The following DGKI variants were observed in gnomAD, a reference collection of about 807,000 sequenced individuals.
DGKI encodes the protein diacylglycerol kinase iota, also known as DAG kinase iota.
In DGKI, 55 loss-of-function variants were observed where a neutral mutation model predicts 147.5. That is an observed-to-expected ratio of 0.37 (90% CI 0.30 to 0.47). The LOEUF (loss-of-function observed/expected upper bound fraction) is 0.47, where lower values mean the gene tolerates loss of function less well. Among genes scored for constraint, DGKI ranks in the 20% least tolerant of loss-of-function variants. The pLI is 1.00. For synonymous variants in DGKI, 469 were observed against 477.1 expected (o/e 0.98, Z 0.22); for missense variants, 1,007 against 1,323.8 (o/e 0.76, Z 3.71).
chr7:137,559,039 G>A (rs1268978574), intron 19 of DGKI, among the ~76,000 whole-genome samples: 1 of 139,270 alleles, frequency 7.2e-6, no homozygotes, highest in African/African-American at 2.7e-5. Flanking sequence ...AGCGTTTTAT[G>A]ATTCTAGGTT....
chr7:137,444,345 C>T (rs1813629126), intron 27 of DGKI, among the ~76,000 whole-genome samples: 1 of 152,048 alleles, frequency 6.6e-6, no homozygotes, highest in South Asian at 2.1e-4. Flanking sequence ...AGGACTGCAA[C>T]AAACTTAGCT....
intron 17 of DGKI, 112 bp from the exon 18 acceptor site, chr7:137,572,950 A>G: frequency 1.4e-6 from 1 of 705,484 alleles, no homozygotes; most frequent in East Asian, 2.6e-5. Context: ...TCCTTGCCCT[A>G]TCTCTGCTTA....
chr7:137,412,021 G>T (rs1812181360), intron 29 of DGKI, 149 bp downstream of exon 29: 9 of 752,906 alleles, frequency 1.2e-5, no homozygotes, highest in South Asian at 1.1e-4. Flanking sequence ...TCTCTGCTCA[G>T]TTCTCAAAAG....
chr7:137,395,797 C>T, intron 31 of DGKI, 100 bp from the exon 32 acceptor site: 1 of 1,003,344 alleles, frequency 1.0e-6, no homozygotes, highest in South Asian at 1.5e-5. Context: ...GCCTCCTTCC[C>T]TGTAGGCTGC....
intron 2 of DGKI, among the ~76,000 whole-genome samples, chr7:137,683,518 G>A (rs1823311325): frequency 6.6e-6 from 1 of 152,088 alleles, no homozygotes; most frequent in African/African-American, 2.4e-5. Flanking sequence ...TGCATTACAG[G>A]CATATGCCAA....
chr7:137,652,696 G>GT (rs11460162), intron 5 of DGKI, among the ~76,000 whole-genome samples: 28,560 of 152,064 alleles, frequency 0.19, 8,185 homozygotes, highest in African/African-American at 0.62. Context: ...GGACAACTAT[G>GT]TTTTCTCTTT....
At chr7:137,604,918 G>A (rs545840692) in intron 10 of DGKI, among the ~76,000 whole-genome samples, 3 of 152,244 alleles carry the variant, frequency 2.0e-5, no homozygotes, top group East Asian at 3.9e-4. Flanking sequence ...GGGAGGGGAC[G>A]TATTTCTCTA....
At chr7:137,800,217 A>G (rs1457404788) in intron 1 of DGKI, among the ~76,000 whole-genome samples, 4 of 152,178 alleles carry the variant, frequency 2.6e-5, no homozygotes, top group Non-Finnish European at 5.9e-5. Context: ...GGAGTGATAT[A>G]CCAGCCAAAT....
At chr7:137,661,866 T>A (rs897352777) in intron 3 of DGKI, among the ~76,000 whole-genome samples, 3 of 152,200 alleles carry the variant, frequency 2.0e-5, no homozygotes, top group African/African-American at 7.2e-5. Flanking sequence ...GGAACCTTCC[T>A]AAGCTCTTAG....
intron 6 of DGKI, among the ~76,000 whole-genome samples, chr7:137,625,391 C>G (rs891657606): frequency 6.6e-6 from 1 of 151,938 alleles, no homozygotes; most frequent in African/African-American, 2.4e-5. Flanking sequence ...ATCCAAGAGT[C>G]GGAAGTGGCA....
intron 27 of DGKI, among the ~76,000 whole-genome samples, chr7:137,461,760 T>A (rs1256179601): frequency 6.6e-5 from 10 of 152,124 alleles, no homozygotes; most frequent in East Asian, 3.9e-4. Context: ...CAGGTTTTTT[T>A]AAAAAGTGTC....
intron 1 of DGKI, among the ~76,000 whole-genome samples, chr7:137,725,046 G>A (rs1273331238): frequency 6.6e-6 from 1 of 152,130 alleles, no homozygotes; most frequent in Non-Finnish European, 1.5e-5. Context: ...TTATACAGAG[G>A]TGAGAAGGGG....
chr7:137,397,712 T>C (rs192725523), intron 30 of DGKI, among the ~76,000 whole-genome samples: 2 of 152,270 alleles, frequency 1.3e-5, no homozygotes, highest in Admixed American at 6.5e-5. Flanking sequence ...AATAATTAAG[T>C]GGCTAACAAG....
rs147205940 is a variant in DGKI at position 137,706,477 on chromosome 7, CTTATTTTATTTTATT to C, written c.402-16490_402-16476del. On this transcript the variant is annotated intron_variant, in intron 1 of 32. Transcript: ENST00000614521. ...TGGTATACTGAAGTACCAAAACATCCTTATTTTATTTTATTTTATTTTATTTTATTTTATTTCATT... is the reference window on the plus strand; with the variant it reads ...TGGTATACTGAAGTACCAAAACATCCTTATTTTATTTTATTTTATTTCATT... Among the ~76,000 whole-genome samples the C allele has an allele frequency of 4.9e-3, 727 of 147,588 alleles. 3 individuals are homozygous for C. The highest frequency in any genetic ancestry group is 0.028 in the Middle Eastern group (8 of 290).
chr7:137,846,449 T>C lies in DGKI; in HGVS notation c.401+13A>G. ...CGGCGCACCTGTCTCGGCTGCCGGC[T>C]CCCCGCACCTACCTGTACGAGACCT... On this transcript the variant is annotated intron_variant, in intron 1 of 32. Coordinates refer to ENST00000614521, the MANE Select transcript of DGKI (RefSeq NM_001321708.2). This position sits in a 1 kb window ranked among gnomAD's most constrained non-coding sequence, Gnocchi z 4.0. The C allele has an allele frequency of 1.3e-6, 2 of 1,571,928 alleles. No individual in the cohort carries two copies. Among genetic ancestry groups the C allele is most frequent in the Non-Finnish European group, 8.6e-7 (1 of 1,157,034 alleles).
At chr7:137,499,072 GA>G (rs1479853733) in intron 21 of DGKI, among the ~76,000 whole-genome samples, 2 of 152,178 alleles carry the variant, frequency 1.3e-5, no homozygotes, top group Non-Finnish European at 2.9e-5. Flanking sequence ...AGCTAAAAGT[GA>G]AAGCATCACC....
intron 19 of DGKI, among the ~76,000 whole-genome samples, chr7:137,565,910 T>G (rs562336164): frequency 6.6e-6 from 1 of 152,266 alleles, no homozygotes; most frequent in Non-Finnish European, 1.5e-5. Flanking sequence ...TACTTTGAAA[T>G]TTGCAATTAC....
rs1811137264 is a variant in DGKI at position 137,384,762 on chromosome 7, G to A, written c.*6458C>T. 6.6e-6 allele frequency: 1 copy of A among 152,026 alleles called. No homozygotes were observed. The highest frequency in any genetic ancestry group is 2.4e-5 in the African/African-American group (1 of 41,394). 9.4% of individuals were successfully genotyped at this position (152,026 alleles called of 1,614,324 possible). A position where few individuals can be genotyped will look rare whatever the true frequency, so the allele number is the denominator to read the frequency against. ...GATTTGAGTTGTTTATACTGTCATA[G>A]AGTGAAAACTATATGTGTGTTTCAC... is the stretch of plus-strand genomic sequence containing the variant. On this transcript the variant is annotated 3_prime_UTR_variant, in exon 33 of 33. Transcript: ENST00000614521.
intron 23 of DGKI, among the ~76,000 whole-genome samples, chr7:137,478,402 C>T (rs533820680): frequency 9.2e-5 from 14 of 152,244 alleles, no homozygotes; most frequent in African/African-American, 2.2e-4. Context: ...TCCTGCATCA[C>T]GTCTATCTAT....
Sources: gnomAD v4.1 joint callset for allele counts (sites outside exome capture counted in the v4.1 genomes callset) on GRCh38, gnomAD v4.1.1 for gene constraint, Gnocchi (gnomAD v3.1) non-coding constraint, MANE v1.5 for transcripts, NCBI Gene and HGNC (gene_info 2026-07-23, HGNC 2026-07-21) for gene names.